NRXN3: variants seen among roughly 807,000 people sequenced by gnomAD.
NRXN3 encodes neurexin 3, also known as neurexin III.
NRXN3 carries 32 observed loss-of-function variants against 137.6 expected under a neutral mutation model. The observed-to-expected ratio is 0.23, with a 90% CI of 0.18 to 0.31. NRXN3 has a LOEUF of 0.31. NRXN3 is among the 10% of genes least tolerant of loss of function. NRXN3 has a pLI of 1.00. For synonymous variants in NRXN3, 798 were observed against 784.5 expected (o/e 1.02, Z -0.29); for missense variants, 1,574 against 2,062.5 (o/e 0.76, Z 4.59).
intron 16 of NRXN3, among the ~76,000 whole-genome samples, chr14:79,630,564 A>G (rs2098334194): frequency 6.6e-6 from 1 of 152,186 alleles, no homozygotes. Flanking sequence ...AAAATACACA[A>G]CATATGTGTT....
At chr14:79,260,856 G>A (rs149650140) in intron 15 of NRXN3, among the ~76,000 whole-genome samples, 1 of 152,188 alleles carries the variant, frequency 6.6e-6, no homozygotes, top group African/African-American at 2.4e-5. Context: ...CAAGTACCTG[G>A]CCACATAGGA....
intron 10 of NRXN3, among the ~76,000 whole-genome samples, chr14:78,921,053 C>T (rs914931666): frequency 6.6e-6 from 1 of 152,150 alleles, no homozygotes; most frequent in African/African-American, 2.4e-5. Flanking sequence ...GGGACGGGGA[C>T]CTTCAGTTCT....
At chr14:79,189,303 C>T (rs978865909) in intron 15 of NRXN3, among the ~76,000 whole-genome samples, 24 of 148,644 alleles carry the variant, frequency 1.6e-4, no homozygotes, top group Admixed American at 4.1e-4. Context: ...AACCAAACAC[C>T]ATGTATTCTC....
chr14:79,410,057 G>T (rs1003293959), intron 15 of NRXN3, among the ~76,000 whole-genome samples: 2 of 149,608 alleles, frequency 1.3e-5, no homozygotes, highest in African/African-American at 4.9e-5. Flanking sequence ...TCTAGTTAAG[G>T]TTTTTTTTTG....
At chr14:79,508,881 A>G (rs1398136921) in intron 16 of NRXN3, among the ~76,000 whole-genome samples, 4 of 152,106 alleles carry the variant, frequency 2.6e-5, no homozygotes, top group Non-Finnish European at 4.4e-5. Context: ...AATTAAACAC[A>G]TATGGTTACT....
At chr14:78,901,365 A>G (rs944208126) in intron 10 of NRXN3, among the ~76,000 whole-genome samples, 1 of 151,740 alleles carries the variant, frequency 6.6e-6, no homozygotes, top group Non-Finnish European at 1.5e-5. Flanking sequence ...TTCTCTTTTA[A>G]TATTTTACAT....
chr14:79,525,378 C>A (rs185870762), intron 16 of NRXN3, among the ~76,000 whole-genome samples: 1 of 152,298 alleles, frequency 6.6e-6, no homozygotes, highest in Admixed American at 6.5e-5. Flanking sequence ...AATTCCCCAC[C>A]TGCATGGAGG....
chr14:78,343,013 T>G (rs1215682717), intron 4 of NRXN3, among the ~76,000 whole-genome samples: 2 of 152,200 alleles, frequency 1.3e-5, no homozygotes, highest in African/African-American at 4.8e-5. Flanking sequence ...TCTCAAAGTT[T>G]GGCTACCAGA....
rs557201380 is a variant in NRXN3, at chr14:78,773,349, C to G, written c.2045-30271C>G. 1.1e-4 allele frequency among the ~76,000 whole-genome samples: 16 copies of G among 152,228 alleles called. No homozygotes were observed. In the South Asian group the frequency reaches 3.1e-3, roughly 30 times the overall value. ...GCAGGAGTGAGATTCCTACTCCTCC[C>G]CTTCCCTTGCCCTTCTTTTCCAAGG... On this transcript the variant is annotated intron_variant, in intron 8 of 20. Transcript: ENST00000335750.
At chr14:79,099,949 A>C (rs926472125) in intron 15 of NRXN3, among the ~76,000 whole-genome samples, 2 of 152,188 alleles carry the variant, frequency 1.3e-5, no homozygotes, top group Admixed American at 1.3e-4. Flanking sequence ...AAGTCTGAAA[A>C]ACAGCATTTG....
intron 15 of NRXN3, among the ~76,000 whole-genome samples, chr14:79,000,426 G>C (rs935694024): frequency 2.0e-5 from 3 of 152,130 alleles, no homozygotes; most frequent in African/African-American, 7.2e-5. Context: ...TTTCTGTAAA[G>C]GTAAGGTATC....
At chr14:78,286,920 G>A (rs2075244959) in intron 3 of NRXN3, among the ~76,000 whole-genome samples, 1 of 152,174 alleles carries the variant, frequency 6.6e-6, no homozygotes, top group Non-Finnish European at 1.5e-5. Context: ...AGAAGGAAGT[G>A]CAAAGTTAAC....
intron 10 of NRXN3, among the ~76,000 whole-genome samples, chr14:78,828,322 G>A (rs2098972686): frequency 6.6e-6 from 1 of 152,168 alleles, no homozygotes; most frequent in African/African-American, 2.4e-5. Flanking sequence ...ACACATTAGA[G>A]TAATTGGCAT....
At chr14:79,368,998 T>G (rs1230481937) in intron 15 of NRXN3, among the ~76,000 whole-genome samples, 1 of 152,244 alleles carries the variant, frequency 6.6e-6, no homozygotes, top group African/African-American at 2.4e-5. Flanking sequence ...GAAAAATACC[T>G]TTCACCACTG....
intron 20 of NRXN3, among the ~76,000 whole-genome samples, chr14:79,834,199 C>T (rs945540213): frequency 1.4e-4 from 21 of 152,082 alleles, no homozygotes; most frequent in Non-Finnish European, 2.9e-4. Flanking sequence ...CCTTAAGAAA[C>T]AAAACACAGA....
intron 19 of NRXN3, among the ~76,000 whole-genome samples, chr14:79,773,163 C>G (rs1224882950): frequency 1.3e-5 from 2 of 152,156 alleles, no homozygotes; most frequent in Non-Finnish European, 2.9e-5. Context: ...AATAGGAACA[C>G]TTTTACACTG....
chr14:78,865,547 G>A (rs1031044097), intron 10 of NRXN3, among the ~76,000 whole-genome samples: 5 of 152,182 alleles, frequency 3.3e-5, no homozygotes, highest in Admixed American at 6.5e-5. Flanking sequence ...TGTAAATATG[G>A]CTAATACAGG....
At chr14:79,609,862 A>C (rs1016996660) in intron 16 of NRXN3, among the ~76,000 whole-genome samples, 2 of 151,946 alleles carry the variant, frequency 1.3e-5, no homozygotes, top group African/African-American at 2.4e-5. Context: ...AAAACCAAAC[A>C]CCATGTGGTC....
At chr14:79,475,822 G>T (rs1163013319) in intron 16 of NRXN3, among the ~76,000 whole-genome samples, 1 of 152,114 alleles carries the variant, frequency 6.6e-6, no homozygotes, top group East Asian at 1.9e-4. Context: ...ATTCTAAGGA[G>T]CTGGGATATT....
Sources: gnomAD v4.1 joint callset for allele counts (sites outside exome capture counted in the v4.1 genomes callset) on GRCh38, gnomAD v4.1.1 for gene constraint, MANE v1.5 for transcripts, NCBI Gene and HGNC (gene_info 2026-07-23, HGNC 2026-07-21) for gene names.